The following PCDH17 variants were observed in gnomAD, a reference collection of about 807,000 sequenced individuals.
PCDH17 encodes the protein protocadherin 17.
Under a neutral mutation model 67.7 loss-of-function variants are expected in PCDH17, and 21 were observed. The observed-to-expected ratio is 0.31, with a 90% CI of 0.22 to 0.45. The LOEUF (loss-of-function observed/expected upper bound fraction) is 0.45. Ranked by LOEUF, PCDH17 falls within the 20% of genes least tolerant of loss-of-function variation. PCDH17 has a pLI of 1.00. For synonymous variants in PCDH17, 701 were observed against 656.7 expected, an observed-to-expected ratio of 1.07 and a Z score of -1.03; for missense variants, 1,471 against 1,564.8, an observed-to-expected ratio of 0.94 and a Z score of 1.01.
intron 1 of PCDH17, among the ~76,000 whole-genome samples, chr13:57,658,005 A>G (rs1009787784): frequency 5.9e-5 from 9 of 152,282 alleles, no homozygotes; most frequent in Non-Finnish European, 7.4e-5. Flanking sequence ...AGAATTAAAA[A>G]TGTCTTCGTC....
At chr13:57,697,068 G>A (rs1955617197) in intron 3 of PCDH17, among the ~76,000 whole-genome samples, 1 of 151,490 alleles carries the variant, frequency 6.6e-6, no homozygotes, top group African/African-American at 2.4e-5. Context: ...ATTAAGGTAG[G>A]GAGTCCATCC....
intron 3 of PCDH17, among the ~76,000 whole-genome samples, chr13:57,668,525 G>C (rs1443819121): frequency 6.6e-6 from 1 of 152,002 alleles, no homozygotes; most frequent in Non-Finnish European, 1.5e-5. Flanking sequence ...TGAATTTTAT[G>C]TATATTCTCT....
intron 3 of PCDH17, among the ~76,000 whole-genome samples, chr13:57,685,093 G>C (rs1332834535): frequency 6.6e-6 from 1 of 151,946 alleles, no homozygotes; most frequent in Non-Finnish European, 1.5e-5. Context: ...TGAGTCAATA[G>C]TGTGTTGCCA....
intron 3 of PCDH17, among the ~76,000 whole-genome samples, chr13:57,699,488 C>T (rs975786306): frequency 1.3e-5 from 2 of 152,040 alleles, no homozygotes; most frequent in Non-Finnish European, 2.9e-5. Context: ...TGCACAGTCT[C>T]TTTGCATACT....
intron 1 of PCDH17, among the ~76,000 whole-genome samples, chr13:57,663,375 A>G (rs1321945773): frequency 6.6e-6 from 1 of 152,172 alleles, no homozygotes; most frequent in East Asian, 1.9e-4. Flanking sequence ...AAGACTTAAA[A>G]TTTATGAATT....
chr13:57,683,281 A>G (rs61961871), intron 3 of PCDH17, among the ~76,000 whole-genome samples: 8,062 of 151,950 alleles, frequency 0.053, 269 homozygotes, highest in Middle Eastern at 0.095. Flanking sequence ...GTTTTTCAGT[A>G]TTAAGAACTT....
At position 57,724,831 on chromosome 13, in the gene PCDH17, G is replaced by A. The variant is rs866221250; in HGVS notation, c.3017G>A (p.Arg1006Gln). ...TTTTGTACATTTGGAAAAGACAAGC[G>A]AGAGCACACTATTCTCATTGCCAAC... The part of the protein sequence containing the change: ...KTFCTFGKDK[R>Q]EHTILIANVK... The change falls in exon 4 of 4, where the codon CGA becomes CAA. Residue 1006 changes from arginine (R) to glutamine (Q), a missense_variant. Coordinates refer to ENST00000377918, the MANE Select transcript of PCDH17 (RefSeq NM_001040429.3). The A allele has an allele frequency of 2.5e-6, 4 of 1,614,046 alleles. No homozygotes were observed. Among genetic ancestry groups the A allele is most frequent in the African/African-American group, 2.7e-5 (2 of 74,942 alleles).
rs555285083 is a variant in PCDH17, at chr13:57,681,813, T to C, written c.2797+14980T>C. Among the ~76,000 whole-genome samples, 31 of 151,904 alleles carry C rather than the reference T, an allele frequency of 2.0e-4. No individual in the cohort carries two copies. The South Asian group carries it at 5.6e-3, about 27-fold the overall frequency. ...TGGTACTTCTGCTAATTATGAGCAA[T>C]AAATAAGATCACTTTTTATTTTTTA... On this transcript the variant is annotated intron_variant, in intron 3 of 3. Coordinates refer to ENST00000377918, the MANE Select transcript of PCDH17 (RefSeq NM_001040429.3).
intron 3 of PCDH17, among the ~76,000 whole-genome samples, chr13:57,676,735 G>C (rs1240044737): frequency 3.3e-5 from 5 of 151,824 alleles, no homozygotes; most frequent in Admixed American, 3.3e-4. Context: ...GAGACCCCTA[G>C]ATGAGATATT....
chr13:57,667,502 C>T (rs1955268597), intron 3 of PCDH17, among the ~76,000 whole-genome samples: 1 of 151,816 alleles, frequency 6.6e-6, no homozygotes, highest in Admixed American at 6.6e-5. Context: ...GCTAATGATT[C>T]ATCCAAAGTA....
intron 1 of PCDH17, among the ~76,000 whole-genome samples, chr13:57,653,169 T>G (rs569031630): frequency 5.2e-4 from 79 of 152,244 alleles, no homozygotes; most frequent in African/African-American, 1.8e-3. Context: ...TTATTAAATT[T>G]ATTTAGTTAA....
At chr13:57,712,622 T>C (rs1955786399) in intron 3 of PCDH17, among the ~76,000 whole-genome samples, 1 of 151,616 alleles carries the variant, frequency 6.6e-6, no homozygotes, top group Non-Finnish European at 1.5e-5. Flanking sequence ...AATTGTTAAA[T>C]GGCTCCTTGA....
intron 3 of PCDH17, among the ~76,000 whole-genome samples, chr13:57,716,208 T>G (rs1955815485): frequency 6.6e-6 from 1 of 152,060 alleles, no homozygotes; most frequent in African/African-American, 2.4e-5. Flanking sequence ...GTCTGATGAC[T>G]TTCCAATCAA....
At chr13:57,705,419 T>G (rs1162370496) in intron 3 of PCDH17, among the ~76,000 whole-genome samples, 2 of 152,144 alleles carry the variant, frequency 1.3e-5, no homozygotes. Context: ...TCCATTCATA[T>G]TATCCATATT....
At chr13:57,636,742 C>A (rs1053512408) in intron 1 of PCDH17, among the ~76,000 whole-genome samples, 2 of 152,098 alleles carry the variant, frequency 1.3e-5, no homozygotes, top group African/African-American at 4.8e-5. Flanking sequence ...TATTAAAACA[C>A]ATATTTAAAG....
At chr13:57,665,473 T>C (rs1012802162) in intron 1 of PCDH17, among the ~76,000 whole-genome samples, 6 of 152,156 alleles carry the variant, frequency 3.9e-5, no homozygotes, top group African/African-American at 1.2e-4. Context: ...CTCTGTTTCA[T>C]GAATTGCATG....
rs1267448154 is a variant in PCDH17 at position 57,632,985 on chromosome 13, C to G, written c.439C>G (p.Pro147Ala). The change falls in exon 1 of 4, where the codon CCG becomes GCG. Residue 147 changes from proline to alanine, a missense_variant. Coordinates refer to ENST00000377918, the MANE Select transcript of PCDH17 (RefSeq NM_001040429.3). ...AATGGACATCTCGGAGAACGCTGCT[C>G]CGGGCACCCGCTTCCCCCTCACCAG... ...IEMDISENAA[P>A]GTRFPLTSAH... 1 of 1,613,310 alleles carries G rather than the reference C, an allele frequency of 6.2e-7. No individual in the cohort carries two copies. The highest frequency in any genetic ancestry group is 2.2e-5 in the East Asian group (1 of 44,834).
At chr13:57,697,440 A>G (rs146969491) in intron 3 of PCDH17, among the ~76,000 whole-genome samples, 3 of 151,772 alleles carry the variant, frequency 2.0e-5, no homozygotes, top group Middle Eastern at 3.4e-3. Context: ...CATAGAAAAA[A>G]AATTCATTGA....
rs1354794871 is a variant in PCDH17, at chr13:57,674,993, T to C, written c.2797+8160T>C. Among the ~76,000 whole-genome samples the C allele has an allele frequency of 4.6e-5, 7 of 152,080 alleles. No homozygotes were observed. In the South Asian group the frequency reaches 1.0e-3, roughly 22 times the overall value. ...TAGTTCCAGGTTTGTGGTTTTCCAC[T>C]GTAGGACTCTTTCCATCCTACCAAG... On this transcript the variant is annotated intron_variant, in intron 3 of 3. Transcript: ENST00000377918.
Sources: allele counts gnomAD v4.1 joint callset (sites outside exome capture counted in the v4.1 genomes callset), GRCh38; gene constraint gnomAD v4.1.1; transcripts MANE v1.5; gene names NCBI Gene and HGNC (gene_info 2026-07-23, HGNC 2026-07-21).